The following EEF2KMT variants were observed in gnomAD, a reference collection of about 807,000 sequenced individuals.
EEF2KMT encodes eukaryotic elongation factor 2 lysine methyltransferase, also known as protein-lysine N-methyltransferase EEF2KMT.
In EEF2KMT, 30 loss-of-function variants were observed where a neutral mutation model predicts 35.1. That is an observed-to-expected ratio of 0.85 (90% CI 0.64 to 1.16). EEF2KMT has a LOEUF of 1.16. Among genes scored for constraint, EEF2KMT ranks in the 50% most tolerant of loss-of-function variants. EEF2KMT has a pLI of 0.00. For synonymous variants in EEF2KMT, 190 were observed against 187.7 expected, an observed-to-expected ratio of 1.01 and a Z score of -0.10; for missense variants, 499 against 438.2, an observed-to-expected ratio of 1.14 and a Z score of -1.24.
Position 5,090,018 on chromosome 16 carries a change from A to G in EEF2KMT, c.742+66T>C. On this transcript the variant is annotated intron_variant, in intron 6 of 7. Transcript: ENST00000427587. The surrounding 1 kb of genome is among the most constrained non-coding windows in gnomAD (Gnocchi z 4.1). ...ACAGCGTCCATTGTTCCCTTTTCCCAGAGCCAAGAGCTGGGTAGAGCTGCA... is the reference window on the plus strand; with the variant it reads ...ACAGCGTCCATTGTTCCCTTTTCCCGGAGCCAAGAGCTGGGTAGAGCTGCA... The G allele has an allele frequency of 1.3e-6, 2 of 1,593,388 alleles. No homozygotes were observed. The highest frequency in any genetic ancestry group is 1.7e-6 in the Non-Finnish European group (2 of 1,177,638).
At chr16:5,093,366 G>A (rs1044312493) in intron 3 of EEF2KMT, 118 bp downstream of exon 3, 3 of 1,518,576 alleles carry the variant, frequency 2.0e-6, no homozygotes, top group African/African-American at 2.7e-5. Context: ...AGTTGCCTGG[G>A]GAGGCCCCTG....
In EEF2KMT at chr16:5,085,634, A is replaced by G. The variant is rs1957130629; in HGVS notation, c.991T>C (p.Ter331GlnextTer10). 2 of 1,604,160 alleles carry G rather than the reference A, an allele frequency of 1.2e-6. No individual in the cohort carries two copies. The highest frequency in any genetic ancestry group is 1.7e-6 in the Non-Finnish European group (2 of 1,172,764). ...LEMAMLNLTL[*>Q] ...CCCGTTGGAGTCGTGTGTGAGTCCT[A>G]CAGGGTGAGATTCAGCATTGCCATC... Residue 331 changes from the stop codon to glutamine (Q), a stop_lost, in exon 8 of 8, where the codon TAG becomes CAG. Transcript: ENST00000427587.
chr16:5,097,406 T>A (rs1957493884), intron 1 of EEF2KMT: 1 of 1,464,508 alleles, frequency 6.8e-7, no homozygotes, highest in African/African-American at 1.4e-5. Context: ...CGAGCGCGCG[T>A]CTGCCCCCCA....
At position 5,090,795 on chromosome 16, in the gene EEF2KMT, C is replaced by T. The variant is rs1161091751; in HGVS notation, c.343-230G>A. ...CACAGGATTCCATTCATCGAACCTT[C>T]CTGAGACAACGGAATTCTGGCGATG... On this transcript the variant is annotated intron_variant, in intron 4 of 7. Coordinates refer to ENST00000427587, the MANE Select transcript of EEF2KMT (RefSeq NM_201400.4). The surrounding 1 kb of genome is among the most constrained non-coding windows in gnomAD (Gnocchi z 4.1). 1.3e-5 allele frequency among the ~76,000 whole-genome samples: 2 copies of T among 152,152 alleles called. No individual in the cohort carries two copies. The highest frequency in any genetic ancestry group is 1.3e-4 in the Admixed American group (2 of 15,268).
In EEF2KMT at chr16:5,084,899, A is replaced by G. The variant is rs777172549; in HGVS notation, c.*733T>C. The G allele has an allele frequency of 6.3e-7, 1 of 1,595,664 alleles. No homozygotes were observed. The highest frequency in any genetic ancestry group is 1.1e-5 in the South Asian group (1 of 90,966). The stretch of plus-strand genomic sequence containing the variant: ...ACACATAACTCCTGGGCCAGAGGCT[A>G]AAACCCCAGGACCCCTGCTGTCCTT... On this transcript the variant is annotated 3_prime_UTR_variant, in exon 8 of 8. Coordinates refer to ENST00000427587, the MANE Select transcript of EEF2KMT (RefSeq NM_201400.4).
intron 4 of EEF2KMT, 133 bp downstream of exon 4, chr16:5,091,661 G>T: frequency 6.9e-7 from 1 of 1,449,152 alleles, no homozygotes; most frequent in Non-Finnish European, 9.2e-7. Context: ...TGAGGCTAAA[G>T]AAGGTTGACG....
Position 5,084,311 on chromosome 16 carries a change from C to G in EEF2KMT, c.*1321G>C, listed in dbSNP as rs1205233323. 2.9e-6 allele frequency: 1 copy of G among 350,410 alleles called. No homozygotes were observed. Among genetic ancestry groups the G allele is most frequent in the African/African-American group, 2.1e-5 (1 of 47,570 alleles). 21.7% of individuals were successfully genotyped at this position (350,410 alleles called of 1,614,324 possible). On this transcript the variant is annotated 3_prime_UTR_variant, in exon 8 of 8. Transcript: ENST00000427587. Reference sequence around the variant, plus strand: ...TAGATTAAGGGGTGTGGCTTTGTTCCAATAAAACTTTATTTACAAACACAG... The same window carrying G: ...TAGATTAAGGGGTGTGGCTTTGTTCGAATAAAACTTTATTTACAAACACAG...
intron 1 of EEF2KMT, among the ~76,000 whole-genome samples, chr16:5,096,897 ATC>A (rs1360625294): frequency 6.6e-6 from 1 of 152,238 alleles, no homozygotes; most frequent in Admixed American, 6.5e-5. Context: ...ACCAGAAATG[ATC>A]TCTGAGTGCA....
intron 6 of EEF2KMT, among the ~76,000 whole-genome samples, chr16:5,089,720 G>A (rs1567178113): frequency 6.6e-6 from 1 of 152,162 alleles, no homozygotes; most frequent in Admixed American, 6.5e-5. Context: ...GTGCTGGCAG[G>A]GGTGAGGGGT....
rs1390900534 is a variant in EEF2KMT at position 5,090,415 on chromosome 16, C to G, written c.476+17G>C. The G allele has an allele frequency of 1.2e-6, 2 of 1,612,038 alleles. No individual in the cohort carries two copies. The highest frequency in any genetic ancestry group is 1.7e-6 in the Non-Finnish European group (2 of 1,179,862). ...GGTAAGCCTGCCTCGGTGCCCTGCC[C>G]TGCGCCCCGAGGTCACCTGTTAGTG... is the stretch of plus-strand genomic sequence containing the variant. On this transcript the variant is annotated intron_variant, in intron 5 of 7. Coordinates refer to ENST00000427587, the MANE Select transcript of EEF2KMT (RefSeq NM_201400.4). The surrounding 1 kb of genome is among the most constrained non-coding windows in gnomAD (Gnocchi z 4.1).
rs574420062 is a variant in EEF2KMT, at chr16:5,084,855, G to A, written c.*777C>T. 9 of 1,596,438 alleles carry A rather than the reference G, an allele frequency of 5.6e-6. No individual in the cohort carries two copies. In the African/African-American group the frequency reaches 1.1e-4, roughly 19 times the overall value. ...ATGGGATGAGAGCTGGGTGCAGACT[G>A]TGCTCCCTTTGGTTATGGACACATA... On this transcript the variant is annotated 3_prime_UTR_variant, in exon 8 of 8. Coordinates refer to ENST00000427587, the MANE Select transcript of EEF2KMT (RefSeq NM_201400.4).
At chr16:5,092,207 T>C (rs1253033574) in intron 3 of EEF2KMT, among the ~76,000 whole-genome samples, 2 of 151,654 alleles carry the variant, frequency 1.3e-5, no homozygotes, top group African/African-American at 4.8e-5. Context: ...ACCAGAGGTG[T>C]TGGGAGGGTA....
rs1170058399 is a variant in EEF2KMT at position 5,085,496 on chromosome 16, T to TAA, written c.*135_*136insTT. On this transcript the variant is annotated 3_prime_UTR_variant, in exon 8 of 8. Coordinates refer to ENST00000427587, the MANE Select transcript of EEF2KMT (RefSeq NM_201400.4). ...AGCCGATGTCTTATTAGAGGGCAGTTTGTGGTTCCTGATTTGGAAATTAAC... is the reference window on the plus strand; with the variant it reads ...AGCCGATGTCTTATTAGAGGGCAGTTAATGTGGTTCCTGATTTGGAAATTAAC... The TAA allele has an allele frequency of 1.3e-6, 1 of 757,238 alleles. No homozygotes were observed. Among genetic ancestry groups the TAA allele is most frequent in the African/African-American group, 1.7e-5 (1 of 58,530 alleles). The allele number at this position is 757,238 out of a possible 1,614,324, so 46.9% of individuals were successfully genotyped here. A position where few individuals can be genotyped will look rare whatever the true frequency, so the allele number is the denominator to read the frequency against.
rs1387627942 is a variant in EEF2KMT, at chr16:5,090,586, A to G, written c.343-21T>C. On this transcript the variant is annotated intron_variant, in intron 4 of 7. Transcript: ENST00000427587. The surrounding 1 kb of genome is among the most constrained non-coding windows in gnomAD (Gnocchi z 4.1). ...GAGGGCTGCACCAAGAGAAGGCGAGAGAGTCAGTCCAGCGATCAGAAGGCA... is the reference window on the plus strand; with the variant it reads ...GAGGGCTGCACCAAGAGAAGGCGAGGGAGTCAGTCCAGCGATCAGAAGGCA... 6.2e-7 allele frequency: 1 copy of G among 1,611,858 alleles called. No homozygotes were observed. The highest frequency in any genetic ancestry group is 8.5e-7 in the Non-Finnish European group (1 of 1,179,782).
chr16:5,092,645 C>T (rs1442014801), intron 3 of EEF2KMT, among the ~76,000 whole-genome samples: 2 of 152,188 alleles, frequency 1.3e-5, no homozygotes, highest in Non-Finnish European at 2.9e-5. Context: ...CATGTCAAAC[C>T]CTGCATGTTC....
Position 5,084,740 on chromosome 16 carries a change from T to A in EEF2KMT, c.*892A>T. On this transcript the variant is annotated 3_prime_UTR_variant, in exon 8 of 8. Transcript: ENST00000427587. ...CAATGAGGTAAGCTCTGCTCTTTAT[T>A]TTTTTGCAGATGCTTTTCTCAAACT... 1 of 1,595,772 alleles carries A rather than the reference T, an allele frequency of 6.3e-7. No homozygotes were observed. Among genetic ancestry groups the A allele is most frequent in the Admixed American group, 1.7e-5 (1 of 59,946 alleles).
chr16:5,094,039 T>C (rs1042959742), intron 2 of EEF2KMT, among the ~76,000 whole-genome samples: 5 of 152,166 alleles, frequency 3.3e-5, no homozygotes, highest in Non-Finnish European at 7.4e-5. Flanking sequence ...GAGCAAGTTC[T>C]AGGCAGTGGG....
chr16:5,093,434 G>A (rs779922332), intron 3 of EEF2KMT, 50 bp downstream of exon 3: 23 of 1,610,722 alleles, frequency 1.4e-5, no homozygotes, highest in Admixed American at 8.3e-5. Flanking sequence ...GCTCCAGCAC[G>A]CAGGTGGCTA....
chr16:5,086,452 C>CT lies in EEF2KMT; in HGVS notation c.893-721dup, dbSNP rs1010051984. On this transcript the variant is annotated intron_variant, in intron 7 of 7. Transcript: ENST00000427587. ...TGAAGAGCCGTTAGCCAGAATGATT[C>CT]TTTTTTTTTGTTTTGAGATATGATC... The CT allele has an allele frequency of 1.1e-4, 16 of 150,632 alleles. No homozygotes were observed. The East Asian group carries it at 2.0e-3, about 18-fold the overall frequency. The allele number at this position is 150,632 out of a possible 1,614,324, so 9.3% of individuals were successfully genotyped here.
Sources: gnomAD v4.1 joint callset for allele counts (sites outside exome capture counted in the v4.1 genomes callset) on GRCh38, gnomAD v4.1.1 for gene constraint, Gnocchi (gnomAD v3.1) non-coding constraint, MANE v1.5 for transcripts, NCBI Gene and HGNC (gene_info 2026-07-23, HGNC 2026-07-21) for gene names.